CATSPERE: variants seen among roughly 807,000 people sequenced by gnomAD.
CATSPERE encodes catsper channel auxiliary subunit epsilon, also known as cation channel sperm-associated auxiliary subunit epsilon.
A neutral mutation model predicts 114.1 loss-of-function variants in CATSPERE; 93 were observed. That is an observed-to-expected ratio of 0.81 (90% CI 0.69 to 0.97). The LOEUF (loss-of-function observed/expected upper bound fraction) is 0.97. CATSPERE is among the 50% of genes least tolerant of loss of function. CATSPERE has a pLI of 0.00. For missense variants in CATSPERE, 1,058 were observed against 1,131.6 expected, an observed-to-expected ratio of 0.93 and a Z score of 0.93; for synonymous variants, 341 against 384.1, an observed-to-expected ratio of 0.89 and a Z score of 1.31.
At chr1:244,491,426 C>G (rs962917522) in intron 6 of CATSPERE, among the ~76,000 whole-genome samples, 48 of 151,996 alleles carry the variant, frequency 3.2e-4, no homozygotes, top group African/African-American at 1.1e-3. Flanking sequence ...ACCAGAATCT[C>G]TGGGACACAT....
chr1:244,492,371 A>G (rs1425773566), intron 6 of CATSPERE, among the ~76,000 whole-genome samples: 5 of 151,958 alleles, frequency 3.3e-5, no homozygotes, highest in Non-Finnish European at 7.4e-5. Context: ...AGATGCAGAA[A>G]AGGCCTTTGA....
chr1:244,494,942 ATAT>A (rs1161908311), intron 6 of CATSPERE, among the ~76,000 whole-genome samples: 1 of 152,220 alleles, frequency 6.6e-6, no homozygotes, highest in African/African-American at 2.4e-5. Context: ...GCAAATAATA[ATAT>A]TATCAGTAAT....
At chr1:244,458,314 TATTA>T (rs774979571), upstream of CATSPERE, among the ~76,000 whole-genome samples, 23 of 152,194 alleles carry the variant, frequency 1.5e-4, no homozygotes, top group East Asian at 3.8e-4. Flanking sequence ...TAGTGTACAT[TATTA>T]ATTATTATAA....
At chr1:244,615,487 G>T (rs936668393) in intron 19 of CATSPERE, among the ~76,000 whole-genome samples, 1 of 151,432 alleles carries the variant, frequency 6.6e-6, no homozygotes, top group Non-Finnish European at 1.5e-5. Context: ...AACGTAGGCG[G>T]TGTAGCCTAC....
chr1:244,609,942 G>A (rs1670490819), intron 18 of CATSPERE, among the ~76,000 whole-genome samples: 1 of 152,174 alleles, frequency 6.6e-6, no homozygotes, highest in African/African-American at 2.4e-5. Context: ...AGGTACTTGA[G>A]AGGCTGAGGC....
At chr1:244,622,077 G>A (rs184598145) in intron 20 of CATSPERE, among the ~76,000 whole-genome samples, 147 of 152,276 alleles carry the variant, frequency 9.7e-4, no homozygotes, top group African/African-American at 3.3e-3. Context: ...ATGACACCCA[G>A]GCCTCCTCTA....
In CATSPERE at chr1:244,580,047, A is replaced by T. The variant is rs150959836; in HGVS notation, c.1951-1749A>T. On this transcript the variant is annotated intron_variant, in intron 11 of 21. Coordinates refer to ENST00000366534, the MANE Select transcript of CATSPERE (RefSeq NM_001130957.2). ...CCATATTTTATCAATTCAAAGGCACATTTTTTTGAGACAGGGTCTCACTCT... is the reference window on the plus strand; with the variant it reads ...CCATATTTTATCAATTCAAAGGCACTTTTTTTTGAGACAGGGTCTCACTCT... Among the ~76,000 whole-genome samples the T allele has an allele frequency of 1.7e-3, 264 of 151,810 alleles. 2 individuals carry two copies. Among genetic ancestry groups the T allele is most frequent in the African/African-American group, 6.1e-3 (251 of 41,422 alleles).
chr1:244,528,367 G>A (rs1679003004), intron 8 of CATSPERE, among the ~76,000 whole-genome samples: 1 of 152,128 alleles, frequency 6.6e-6, no homozygotes, highest in Non-Finnish European at 1.5e-5. Context: ...AATCTCACAA[G>A]CATAATATGG....
At chr1:244,565,346 C>T (rs574233591) in intron 10 of CATSPERE, among the ~76,000 whole-genome samples, 16 of 152,098 alleles carry the variant, frequency 1.1e-4, no homozygotes, top group Non-Finnish European at 1.9e-4. Context: ...TTTGTACCTC[C>T]GGTAGAATTT....
intron 2 of CATSPERE, among the ~76,000 whole-genome samples, chr1:244,476,772 G>T (rs1350732723): frequency 2.6e-5 from 4 of 152,242 alleles, no homozygotes; most frequent in African/African-American, 9.6e-5. Flanking sequence ...GGAGGGGAAA[G>T]AATTTCTAAA....
intron 13 of CATSPERE, 104 bp from the exon 14 acceptor site, chr1:244,588,378 C>T (rs1017961739): frequency 2.4e-6 from 2 of 837,740 alleles, no homozygotes; most frequent in Non-Finnish European, 4.1e-6. Context: ...CTACATTTTA[C>T]AAGTTATTAT....
chr1:244,503,830 C>G (rs1674431356), intron 7 of CATSPERE, among the ~76,000 whole-genome samples: 1 of 152,150 alleles, frequency 6.6e-6, no homozygotes, highest in South Asian at 2.1e-4. Context: ...CTCAGCCTCC[C>G]AAAGCACTGG....
chr1:244,491,706 TAAA>T (rs780204629), intron 6 of CATSPERE, among the ~76,000 whole-genome samples: 245 of 149,976 alleles, frequency 1.6e-3, no homozygotes, highest in African/African-American at 5.3e-3. Context: ...GCAAGACTAA[TAAA>T]GAAGAAAAGA....
At chr1:244,462,081 T>A (rs1666910833) in intron 1 of CATSPERE, among the ~76,000 whole-genome samples, 1 of 152,106 alleles carries the variant, frequency 6.6e-6, no homozygotes, top group Non-Finnish European at 1.5e-5. Flanking sequence ...CCTCCCAAAG[T>A]GCTGTAATTA....
chr1:244,475,522 CTG>C (rs1669182162), intron 2 of CATSPERE, among the ~76,000 whole-genome samples: 1 of 149,350 alleles, frequency 6.7e-6, no homozygotes, highest in Admixed American at 6.7e-5. Flanking sequence ...GTGTGAGCCA[CTG>C]CACCTGGCCA....
At chr1:244,535,693 G>T (rs529088345) in intron 8 of CATSPERE, among the ~76,000 whole-genome samples, 3 of 152,246 alleles carry the variant, frequency 2.0e-5, no homozygotes, top group Admixed American at 6.5e-5. Context: ...GTCTAAAAAT[G>T]CTGCAAATGC....
At position 244,461,416 on chromosome 1, in the gene CATSPERE, G is replaced by T; in HGVS notation, c.-14G>T. ...GAGTGGCCGAGGCGGTTGGGCGGAG[G>T]CGGAGCAGGCGCCATGTCAGCCCGG... On this transcript the variant is annotated 5_prime_UTR_variant, in exon 1 of 22. Transcript: ENST00000366534. 7.3e-7 allele frequency: 1 copy of T among 1,361,348 alleles called. No individual in the cohort carries two copies. 84.3% of individuals were successfully genotyped at this position (1,361,348 alleles called of 1,614,324 possible).
rs767915115 is a variant in CATSPERE, at chr1:244,572,523, C to T, written c.1701C>T (p.Pro567=). The part of the protein sequence containing the change: ...DDGTIQIQDY[P]LHLEAQSIAF... ...GCACAATACAAATACAGGACTATCC[C>T]TTACATCTGGAAGCACAAAGTATAG... The change falls in exon 11 of 22, where the codon CCC becomes CCT. Residue 567 remains proline, a synonymous_variant. Transcript: ENST00000366534. The T allele has an allele frequency of 1.2e-6, 2 of 1,613,970 alleles. No individual in the cohort carries two copies. Among genetic ancestry groups the T allele is most frequent in the Admixed American group, 3.3e-5 (2 of 60,006 alleles).
chr1:244,494,997 A>T (rs554259358), intron 6 of CATSPERE, among the ~76,000 whole-genome samples: 115 of 152,336 alleles, frequency 7.5e-4, no homozygotes, highest in African/African-American at 2.7e-3. Context: ...GAGAACTTAC[A>T]GAAGTAGAAT....
Sources: gnomAD v4.1 joint callset for allele counts (sites outside exome capture counted in the v4.1 genomes callset) on GRCh38, gnomAD v4.1.1 for gene constraint, MANE v1.5 for transcripts, NCBI Gene and HGNC (gene_info 2026-07-23, HGNC 2026-07-21) for gene names.